DCDC1: variants seen among roughly 807,000 people sequenced by gnomAD.
DCDC1 encodes doublecortin domain containing 1.
In DCDC1, 200 loss-of-function variants were observed where a neutral mutation model predicts 178.3. The ratio of observed to expected loss-of-function variants is 1.12; its 90% CI spans 1.00 to 1.26. The LOEUF is 1.26. Ranked by LOEUF, DCDC1 falls within the 50% of genes most tolerant of loss-of-function variation. DCDC1 has a pLI of 0.00. For synonymous variants in DCDC1, 690 were observed against 604.8 expected (o/e 1.14, Z -2.07); for missense variants, 1,983 against 1,749.2 (o/e 1.13, Z -2.38).
intron 37 of DCDC1, among the ~76,000 whole-genome samples, chr11:30,879,179 GT>G (rs1942415312): frequency 6.6e-6 from 1 of 152,078 alleles, no homozygotes; most frequent in South Asian, 2.1e-4. Flanking sequence ...CATACTAAAT[GT>G]TTTTTGATAT....
intron 10 of DCDC1, among the ~76,000 whole-genome samples, chr11:31,135,843 GATTTTCCAGAA>G (rs1358058206): frequency 1.3e-5 from 2 of 152,070 alleles, no homozygotes; most frequent in Non-Finnish European, 2.9e-5. Flanking sequence ...ATTGCCATTA[GATTTTCCAGAA>G]AAGATAATTT....
chr11:31,141,713 G>C (rs982196921), intron 9 of DCDC1, among the ~76,000 whole-genome samples: 2 of 152,048 alleles, frequency 1.3e-5, no homozygotes, highest in Non-Finnish European at 2.9e-5. Context: ...CAAAAGACTG[G>C]GACAAATTAC....
intron 20 of DCDC1, among the ~76,000 whole-genome samples, chr11:31,001,469 G>T (rs1951575765): frequency 6.6e-6 from 1 of 152,060 alleles, no homozygotes; most frequent in Admixed American, 6.6e-5. Context: ...TCTCTGTTTT[G>T]CTCCCTATCC....
At chr11:30,873,320 T>C (rs1288103838) in intron 38 of DCDC1, among the ~76,000 whole-genome samples, 4 of 147,036 alleles carry the variant, frequency 2.7e-5, no homozygotes, top group Middle Eastern at 7.1e-3. Flanking sequence ...AATGTATAAA[T>C]ATATAAAAAT....
chr11:31,254,912 A>G (rs1260988939), intron 8 of DCDC1, among the ~76,000 whole-genome samples: 1 of 152,178 alleles, frequency 6.6e-6, no homozygotes, highest in East Asian at 1.9e-4. Context: ...CATCATTCCA[A>G]AGTAAAACCA....
intron 1 of DCDC1, among the ~76,000 whole-genome samples, chr11:31,354,950 T>C (rs1413935239): frequency 1.3e-5 from 2 of 152,034 alleles, no homozygotes; most frequent in Non-Finnish European, 2.9e-5. Flanking sequence ...TTTTTTTCCC[T>C]GTAGAGCTCT....
chr11:30,879,333 T>C (rs1590200266), intron 37 of DCDC1, among the ~76,000 whole-genome samples: 1 of 152,174 alleles, frequency 6.6e-6, no homozygotes, highest in East Asian at 1.9e-4. Context: ...GGTATAGGCA[T>C]GTAGTTGCAT....
intron 24 of DCDC1, among the ~76,000 whole-genome samples, chr11:30,922,197 A>G (rs1185828963): frequency 6.6e-6 from 1 of 152,192 alleles, no homozygotes; most frequent in Non-Finnish European, 1.5e-5. Context: ...CTCTCCCTAA[A>G]GGGACTAATT....
chr11:31,204,923 C>A (rs114290802), intron 9 of DCDC1, among the ~76,000 whole-genome samples: 3 of 152,168 alleles, frequency 2.0e-5, no homozygotes, highest in African/African-American at 7.2e-5. Flanking sequence ...TACTTTGTTG[C>A]AGACCCTTCA....
At chr11:31,294,270 G>C (rs1191559620) in intron 6 of DCDC1, among the ~76,000 whole-genome samples, 1 of 151,864 alleles carries the variant, frequency 6.6e-6, no homozygotes, top group African/African-American at 2.4e-5. Flanking sequence ...AATGAGGATA[G>C]GCCTGGCATG....
At chr11:30,876,832 G>C (rs1174983535) in intron 38 of DCDC1, among the ~76,000 whole-genome samples, 1 of 152,028 alleles carries the variant, frequency 6.6e-6, no homozygotes, top group Non-Finnish European at 1.5e-5. Flanking sequence ...GATTGTGATT[G>C]AGTCATTCTA....
intron 36 of DCDC1, among the ~76,000 whole-genome samples, chr11:30,892,121 T>A (rs976316092): frequency 1.3e-5 from 2 of 152,218 alleles, no homozygotes; most frequent in African/African-American, 4.8e-5. Context: ...ATAAGACTTT[T>A]AAAAAGACTA....
chr11:31,075,789 C>G (rs779697170), intron 18 of DCDC1, among the ~76,000 whole-genome samples: 1 of 152,192 alleles, frequency 6.6e-6, no homozygotes, highest in Non-Finnish European at 1.5e-5. Flanking sequence ...AGACATTAGC[C>G]CCCTGTGGGG....
intron 1 of DCDC1, among the ~76,000 whole-genome samples, chr11:31,366,727 G>C (rs970839065): frequency 1.3e-5 from 2 of 152,164 alleles, no homozygotes; most frequent in Admixed American, 6.5e-5. Flanking sequence ...TATTGTCAAA[G>C]AAGAAGGCTT....
intron 9 of DCDC1, among the ~76,000 whole-genome samples, chr11:31,154,772 T>C (rs1026230853): frequency 2.0e-5 from 3 of 152,124 alleles, no homozygotes; most frequent in African/African-American, 7.2e-5. Context: ...CCTTTTACAA[T>C]ATATAAGGTT....
chr11:31,153,556 G>A (rs944534245), intron 9 of DCDC1, among the ~76,000 whole-genome samples: 4 of 152,110 alleles, frequency 2.6e-5, no homozygotes, highest in African/African-American at 9.7e-5. Context: ...GCCGAGGCGG[G>A]CGGATCACTT....
intron 38 of DCDC1, among the ~76,000 whole-genome samples, chr11:30,877,557 C>T (rs1214118214): frequency 6.6e-6 from 1 of 152,054 alleles, no homozygotes; most frequent in Non-Finnish European, 1.5e-5. Context: ...TTAAATAGTG[C>T]ATATATCCTT....
chr11:31,224,506 T>C (rs1006145778), intron 9 of DCDC1, among the ~76,000 whole-genome samples: 7 of 151,860 alleles, frequency 4.6e-5, no homozygotes, highest in African/African-American at 1.7e-4. Context: ...AATAAATAAA[T>C]AGGATCTAAT....
At chr11:30,892,466 C>G (rs777677300) in intron 36 of DCDC1, among the ~76,000 whole-genome samples, 9 of 151,896 alleles carry the variant, frequency 5.9e-5, no homozygotes, top group Non-Finnish European at 1.2e-4. Flanking sequence ...GAGTGAGACT[C>G]TGTCTCAAAT....
Sources: gnomAD v4.1 joint callset for allele counts (sites outside exome capture counted in the v4.1 genomes callset) on GRCh38, gnomAD v4.1.1 for gene constraint, MANE v1.5 for transcripts, NCBI Gene and HGNC (gene_info 2026-07-23, HGNC 2026-07-21) for gene names.